Variants in SGCZ observed in about 807,000 individuals in gnomAD.
SGCZ encodes zeta-sarcoglycan.
A neutral mutation model predicts 41.3 loss-of-function variants in SGCZ; 40 were observed. The observed-to-expected ratio is 0.97, with a 90% CI of 0.75 to 1.26. The LOEUF is 1.26. Among genes scored for constraint, SGCZ ranks in the 50% most tolerant of loss-of-function variants. The pLI is 0.00. For synonymous variants in SGCZ, 206 were observed against 137.5 expected, an observed-to-expected ratio of 1.50 and a Z score of -3.49; for missense variants, 552 against 369.8, an observed-to-expected ratio of 1.49 and a Z score of -4.04.
intron 2 of SGCZ, among the ~76,000 whole-genome samples, chr8:14,406,401 A>C (rs1799212565): frequency 6.6e-6 from 1 of 151,920 alleles, no homozygotes; most frequent in Admixed American, 6.6e-5. Context: ...GTTTTAAATT[A>C]TTTTCTGCTT....
At chr8:14,558,633 A>G (rs12375353) in intron 1 of SGCZ, among the ~76,000 whole-genome samples, 40,969 of 148,620 alleles carry the variant, frequency 0.28, 7,084 homozygotes, top group Non-Finnish European at 0.39. Context: ...AAATAATTAT[A>G]TGATGCCAGT....
intron 4 of SGCZ, among the ~76,000 whole-genome samples, chr8:14,178,760 A>C (rs1384844643): frequency 6.6e-6 from 1 of 152,384 alleles, no homozygotes; most frequent in African/African-American, 2.4e-5. Context: ...TATCATGAAT[A>C]ATACAGATAA....
In SGCZ at chr8:14,762,279, A is replaced by T. The variant is rs182703475; in HGVS notation, c.40-207353T>A. ...CTCCATGAACCTCAAATCTCCATGG[A>T]CCTCAAAACAGTAAAATCTACAGAG... is the stretch of plus-strand genomic sequence containing the variant. On this transcript the variant is annotated intron_variant, in intron 1 of 7. Transcript: ENST00000382080. 4.5e-3 allele frequency among the ~76,000 whole-genome samples: 690 copies of T among 152,320 alleles called. 1 individual carries two copies. The highest frequency in any genetic ancestry group is 0.011 in the East Asian group (56 of 5,178).
intron 1 of SGCZ, among the ~76,000 whole-genome samples, chr8:14,965,479 A>G (rs1801102126): frequency 6.6e-6 from 1 of 152,164 alleles, no homozygotes; most frequent in Admixed American, 6.6e-5. Flanking sequence ...TCTTACTTTA[A>G]AATGTAGAAT....
intron 1 of SGCZ, among the ~76,000 whole-genome samples, chr8:14,681,085 T>C (rs1475689535): frequency 6.7e-6 from 1 of 149,880 alleles, no homozygotes; most frequent in East Asian, 2.0e-4. Flanking sequence ...GCTAGACAAA[T>C]ACATTTAATG....
chr8:15,197,241 G>C (rs1800758554), intron 1 of SGCZ, among the ~76,000 whole-genome samples: 1 of 152,134 alleles, frequency 6.6e-6, no homozygotes, highest in Non-Finnish European at 1.5e-5. Context: ...TACTGTCTGA[G>C]CACATAGTGA....
At chr8:14,609,870 C>T (rs1218193837) in intron 1 of SGCZ, among the ~76,000 whole-genome samples, 1 of 152,024 alleles carries the variant, frequency 6.6e-6, no homozygotes, top group Middle Eastern at 3.2e-3. Context: ...TATCTATGAC[C>T]TTCTTATTCT....
chr8:14,296,105 T>G (rs1172286832), intron 3 of SGCZ, among the ~76,000 whole-genome samples: 1 of 152,122 alleles, frequency 6.6e-6, no homozygotes, highest in Non-Finnish European at 1.5e-5. Flanking sequence ...AGTCTAAGGC[T>G]ACACTAGTTG....
intron 4 of SGCZ, among the ~76,000 whole-genome samples, chr8:14,172,042 AT>A (rs1165110469): frequency 6.6e-6 from 1 of 152,132 alleles, no homozygotes; most frequent in East Asian, 1.9e-4. Context: ...TTTGAAGAGT[AT>A]TATTTGTGGT....
At chr8:14,378,136 A>G (rs1370987477) in intron 2 of SGCZ, among the ~76,000 whole-genome samples, 3 of 150,362 alleles carry the variant, frequency 2.0e-5, no homozygotes, top group African/African-American at 5.0e-5. Context: ...ACTAGTTTAC[A>G]GTCCCACCAA....
chr8:14,808,338 A>T (rs1017614965), intron 1 of SGCZ, among the ~76,000 whole-genome samples: 1 of 152,198 alleles, frequency 6.6e-6, no homozygotes, highest in Non-Finnish European at 1.5e-5. Flanking sequence ...CTCATCTGAC[A>T]AAGGGCTAAT....
chr8:14,836,909 T>A (rs528907508), intron 1 of SGCZ, among the ~76,000 whole-genome samples: 12 of 152,346 alleles, frequency 7.9e-5, no homozygotes, highest in Non-Finnish European at 1.3e-4. Flanking sequence ...CAGAATGTCA[T>A]CTTGTATTAA....
At chr8:14,608,478 AGAGAGAGT>A (rs1378990431) in intron 1 of SGCZ, among the ~76,000 whole-genome samples, 1 of 152,028 alleles carries the variant, frequency 6.6e-6, no homozygotes, top group Non-Finnish European at 1.5e-5. Context: ...ATATGGCAAG[AGAGAGAGT>A]GAGAGAGAGA....
chr8:14,910,725 A>T (rs1396178617), intron 1 of SGCZ, among the ~76,000 whole-genome samples: 1 of 151,964 alleles, frequency 6.6e-6, no homozygotes, highest in Non-Finnish European at 1.5e-5. Context: ...TCAAATTTAT[A>T]TATTTTTATT....
intron 2 of SGCZ, among the ~76,000 whole-genome samples, chr8:14,352,824 T>C (rs1283746560): frequency 1.3e-5 from 2 of 152,136 alleles, no homozygotes; most frequent in Non-Finnish European, 2.9e-5. Flanking sequence ...AACACATGCA[T>C]GCAGTCATAT....
At chr8:15,158,719 T>G (rs1005877283) in intron 1 of SGCZ, among the ~76,000 whole-genome samples, 1 of 152,084 alleles carries the variant, frequency 6.6e-6, no homozygotes, top group Non-Finnish European at 1.5e-5. Flanking sequence ...GTCTACAAAA[T>G]AAAGGTAAAG....
At chr8:14,222,390 G>C (rs1239577022) in intron 4 of SGCZ, among the ~76,000 whole-genome samples, 2 of 151,876 alleles carry the variant, frequency 1.3e-5, no homozygotes, top group Admixed American at 6.6e-5. Context: ...GGCTGGTCTT[G>C]AGCTCCTGAC....
intron 1 of SGCZ, among the ~76,000 whole-genome samples, chr8:15,001,925 T>A (rs960351190): frequency 2.0e-5 from 3 of 152,122 alleles, no homozygotes; most frequent in Non-Finnish European, 4.4e-5. Context: ...GCTAGGCAGT[T>A]TGATTCCTGA....
intron 2 of SGCZ, among the ~76,000 whole-genome samples, chr8:14,477,944 G>T (rs998533427): frequency 1.3e-5 from 2 of 152,148 alleles, no homozygotes; most frequent in African/African-American, 4.8e-5. Flanking sequence ...ACTAAAGATT[G>T]TTTAAGAAAT....
Sources: allele counts gnomAD v4.1 joint callset (sites outside exome capture counted in the v4.1 genomes callset), GRCh38; gene constraint gnomAD v4.1.1; transcripts MANE v1.5; gene names NCBI Gene and HGNC (gene_info 2026-07-23, HGNC 2026-07-21).